Variants in NUDT1 observed in about 807,000 individuals in gnomAD.
NUDT1 encodes the protein nudix hydrolase 1, also known as oxidized purine nucleoside triphosphate hydrolase.
Under a neutral mutation model 11.3 loss-of-function variants are expected in NUDT1, and 16 were observed. The observed-to-expected ratio is 1.41, with a 90% CI of 0.96 to 2.15. The LOEUF (loss-of-function observed/expected upper bound fraction) is 2.15, where lower values mean the gene tolerates loss of function less well. NUDT1 is among the 30% of genes most tolerant of loss of function. The probability of loss-of-function intolerance (pLI) is 0.00; values close to 1 mark genes in which losing one functional copy is unlikely to be tolerated. For synonymous variants in NUDT1, 101 were observed against 84.4 expected (o/e 1.20, Z -1.08); for missense variants, 234 against 208.4 (o/e 1.12, Z -0.76).
intron 2 of NUDT1, chr7:2,249,574 C>T: frequency 2.0e-6 from 1 of 491,178 alleles, no homozygotes; most frequent in Middle Eastern, 5.9e-4. Context: ...ACAGAGGGCA[C>T]TGGGCTAGAA....
rs1475876273 is a variant in NUDT1 at position 2,250,992 on chromosome 7, C to A, written c.462C>A (p.Asp154Glu). ...TGGACTACACACTCCGCGAGGTGGA[C>A]ACGGTCTAGCGGGAGCCCAGGGCAG... ...TILDYTLREVDTV is the reference protein window; with the variant it reads ...TILDYTLREVETV The change falls in exon 4 of 4, where the codon GAC (aspartate) becomes GAA (glutamate). Residue 154 changes from aspartate to glutamate, a missense_variant. Asp to Glu is a conservative substitution (Grantham distance 45). Coordinates refer to ENST00000356714, the MANE Select transcript of NUDT1 (RefSeq NM_002452.4). 4 of 1,613,924 alleles carry A rather than the reference C, an allele frequency of 2.5e-6. No individual in the cohort carries two copies.
At chr7:2,242,769 C>A in intron 1 of NUDT1, 1 of 504,892 alleles carries the variant, frequency 2.0e-6, no homozygotes, top group Admixed American at 3.2e-5. Context: ...TCCCACCCCA[C>A]GGCAGTGTCT....
In NUDT1 at chr7:2,242,227, G is replaced by A. The variant is rs536944265; in HGVS notation, c.-42G>A. 6.6e-7 allele frequency: 1 copy of A among 1,518,462 alleles called. No individual in the cohort carries two copies. Among genetic ancestry groups the A allele is most frequent in the African/African-American group, 1.4e-5 (1 of 69,856 alleles). 94.1% of individuals were successfully genotyped at this position (1,518,462 alleles called of 1,614,324 possible). On this transcript the variant is annotated 5_prime_UTR_variant, in exon 1 of 4. Transcript: ENST00000356714. ...AAGTGCCTGGCCTCACTTCCGGTCAGAGGCCACGCCCCCGGAAGCGGCGGT... is the reference window on the plus strand; with the variant it reads ...AAGTGCCTGGCCTCACTTCCGGTCAAAGGCCACGCCCCCGGAAGCGGCGGT...
rs1794701692 is a variant in NUDT1 at position 2,244,693 on chromosome 7, A to AAAGGAG, written c.120_121insAGGAGA (p.Gln40_Glu41insArgArg). 1 of 1,612,872 alleles carries AAAGGAG rather than the reference A, an allele frequency of 6.2e-7. No individual in the cohort carries two copies. Among genetic ancestry groups the AAAGGAG allele is most frequent in the Non-Finnish European group, 8.5e-7 (1 of 1,179,682 alleles). ...TGGAATGGCTTTGGGGGCAAAGTGCAAGAAGGAGAGACCATCGAGGATGGG... is the reference window on the plus strand; with the variant it reads ...TGGAATGGCTTTGGGGGCAAAGTGCAAAGGAGAGAAGGAGAGACCATCGAGGATGGG... On this transcript the variant is annotated inframe_insertion, in exon 2 of 4. Coordinates refer to ENST00000356714, the MANE Select transcript of NUDT1 (RefSeq NM_002452.4).
At chr7:2,249,585 C>G (rs1474890985) in intron 2 of NUDT1, 1 of 512,098 alleles carries the variant, frequency 2.0e-6, no homozygotes, top group Non-Finnish European at 3.6e-6. Context: ...TGGGCTAGAA[C>G]TGCGTTCCTC....
chr7:2,244,636 G>A lies in NUDT1; in HGVS notation c.62G>A (p.Gly21Asp). ...CTGCAGCCTCAGCGAGTTCTCCTGG[G>A]CATGAAAAAGCGAGGCTTCGGGGCC... is the stretch of plus-strand genomic sequence containing the variant. ...LVLQPQRVLL[G>D]MKKRGFGAGR... The change falls in exon 2 of 4, where the codon GGC becomes GAC. Residue 21 changes from glycine (G) to aspartate (D), a missense_variant. Gly to Asp is a moderately conservative substitution (Grantham distance 94). Transcript: ENST00000356714. 1 of 1,613,972 alleles carries A rather than the reference G, an allele frequency of 6.2e-7. No homozygotes were observed. Among genetic ancestry groups the A allele is most frequent in the Non-Finnish European group, 8.5e-7 (1 of 1,179,940 alleles).
intron 3 of NUDT1, 148 bp downstream of exon 3, chr7:2,250,150 A>T: frequency 9.4e-7 from 1 of 1,063,728 alleles, no homozygotes. Context: ...CGTGGGGCCC[A>T]TGAGCCGTGG....
At chr7:2,245,655 C>T (rs1794740618) in intron 2 of NUDT1, among the ~76,000 whole-genome samples, 1 of 152,254 alleles carries the variant, frequency 6.6e-6, no homozygotes, top group South Asian at 2.1e-4. Flanking sequence ...AACTCTTGGG[C>T]TCAAACGATC....
At chr7:2,250,475 T>G (rs1794950688) in intron 3 of NUDT1, among the ~76,000 whole-genome samples, 1 of 152,252 alleles carries the variant, frequency 6.6e-6, no homozygotes, top group Non-Finnish European at 1.5e-5. Flanking sequence ...GTTGTTGTTT[T>G]GAGACGAAGT....
chr7:2,251,013 G>A lies in NUDT1; in HGVS notation c.*12G>A. On this transcript the variant is annotated 3_prime_UTR_variant, in exon 4 of 4. Transcript: ENST00000356714. ...TGGACACGGTCTAGCGGGAGCCCAG[G>A]GCAGCCCCTGGGCAGGAGACGTGGC... The A allele has an allele frequency of 6.2e-7, 1 of 1,613,522 alleles. No individual in the cohort carries two copies.
chr7:2,250,844 G>T lies in NUDT1; in HGVS notation c.314G>T (p.Trp105Leu). The change falls in exon 4 of 4, where the codon TGG (tryptophan) becomes TTG (leucine). Residue 105 changes from tryptophan to leucine, a missense_variant. Transcript: ENST00000356714. ...ATTGGTACAGAAATGCGCCCATGCTGGTTCCAGCTGGATCAGATCCCCTTC... is the reference window on the plus strand; with the variant it reads ...ATTGGTACAGAAATGCGCCCATGCTTGTTCCAGCTGGATCAGATCCCCTTC... ...PVESDEMRPC[W>L]FQLDQIPFKD... 6.2e-7 allele frequency: 1 copy of T among 1,614,172 alleles called. No homozygotes were observed.
At position 2,249,645 on chromosome 7, in the gene NUDT1, C is replaced by T. The variant is rs1794899971; in HGVS notation, c.153-212C>T. On this transcript the variant is annotated intron_variant, in intron 2 of 3. Coordinates refer to ENST00000356714, the MANE Select transcript of NUDT1 (RefSeq NM_002452.4). ...CGGGCCCCTCCCCAGAGCCTCTCAA[C>T]CAAAATCAGTGTCTTCAAAGTTCAA... 1.1e-5 allele frequency: 7 copies of T among 630,940 alleles called. No homozygotes were observed. In the South Asian group the frequency reaches 1.1e-4, roughly 10 times the overall value. 39.1% of individuals were successfully genotyped at this position (630,940 alleles called of 1,614,324 possible).
chr7:2,248,880 C>T (rs941413550), intron 2 of NUDT1, among the ~76,000 whole-genome samples: 2 of 152,094 alleles, frequency 1.3e-5, no homozygotes, highest in Non-Finnish European at 2.9e-5. Context: ...TATTTTTTAA[C>T]TTTAAGCTAT....
rs541139818 is a variant in NUDT1 at position 2,248,792 on chromosome 7, T to C, written c.153-1065T>C. Among the ~76,000 whole-genome samples, 6 of 152,256 alleles carry C rather than the reference T, an allele frequency of 3.9e-5. No individual in the cohort carries two copies. The East Asian group carries it at 1.2e-3, about 29-fold the overall frequency. The stretch of plus-strand genomic sequence containing the variant: ...GTCTCAAACTCCGGAGCTCAAGCAA[T>C]CAATCCTCCCACCTTGGCCTCCAAA... On this transcript the variant is annotated intron_variant, in intron 2 of 3. Transcript: ENST00000356714.
Position 2,244,237 on chromosome 7 carries a change from C to T in NUDT1, c.-12-326C>T, listed in dbSNP as rs34109396. On this transcript the variant is annotated intron_variant, in intron 1 of 3. Coordinates refer to ENST00000356714, the MANE Select transcript of NUDT1 (RefSeq NM_002452.4). ...TAAGCAGGGGGTTCCTGGGGGTAGA[C>T]GCAGGAGCAAGAGCACGCTCTGGAA... 4.9e-3 allele frequency among the ~76,000 whole-genome samples: 744 copies of T among 152,234 alleles called. 10 individuals are homozygous for T. The highest frequency in any genetic ancestry group is 0.016 in the African/African-American group (655 of 41,538).
chr7:2,245,977 A>G (rs946354827), intron 2 of NUDT1, among the ~76,000 whole-genome samples: 8 of 152,120 alleles, frequency 5.3e-5, no homozygotes, highest in Admixed American at 5.2e-4. Flanking sequence ...ACGTTCGATC[A>G]GTCACTGTGG....
At chr7:2,250,099 G>A in intron 3 of NUDT1, 97 bp downstream of exon 3, 2 of 1,516,240 alleles carry the variant, frequency 1.3e-6, no homozygotes, top group Non-Finnish European at 1.8e-6. Flanking sequence ...TGAGTGCCAG[G>A]GACCGGGCAG....
chr7:2,242,895 G>A (rs750355029), intron 1 of NUDT1: 4 of 703,328 alleles, frequency 5.7e-6, no homozygotes, highest in Middle Eastern at 3.6e-4. Context: ...CTGCCTTATC[G>A]CAAGGACAGA....
intron 2 of NUDT1, 89 bp from the exon 3 acceptor site, chr7:2,249,768 T>A: frequency 1.3e-6 from 2 of 1,552,146 alleles, no homozygotes; most frequent in Non-Finnish European, 1.7e-6. Context: ...CTGGGCTGTG[T>A]GTAGATGCCC....
Sources: gnomAD v4.1 joint callset for allele counts (sites outside exome capture counted in the v4.1 genomes callset) on GRCh38, gnomAD v4.1.1 for gene constraint, MANE v1.5 for transcripts, NCBI Gene and HGNC (gene_info 2026-07-23, HGNC 2026-07-21) for gene names.